FAM193A: variants seen among roughly 807,000 people sequenced by gnomAD.
FAM193A encodes the protein protein FAM193A.
Under a neutral mutation model 126.5 loss-of-function variants are expected in FAM193A, and 22 were observed. The ratio of observed to expected loss-of-function variants is 0.17; its 90% CI spans 0.12 to 0.25. The LOEUF (loss-of-function observed/expected upper bound fraction) is 0.25, where lower values mean the gene tolerates loss of function less well. Ranked by LOEUF, FAM193A falls within the 10% of genes least tolerant of loss-of-function variation. FAM193A has a pLI of 1.00. For synonymous variants in FAM193A, 761 were observed against 646.8 expected (o/e 1.18, Z -2.68); for missense variants, 1,675 against 1,672.8 (o/e 1.00, Z -0.02).
chr4:2,546,499 T>C (rs909076479), intron 1 of FAM193A, among the ~76,000 whole-genome samples: 5 of 152,196 alleles, frequency 3.3e-5, no homozygotes, highest in Admixed American at 1.3e-4. Context: ...GTCCTGTAAA[T>C]GGACTCATAC....
At chr4:2,725,195 A>C (rs1720586540) in intron 20 of FAM193A, among the ~76,000 whole-genome samples, 1 of 151,880 alleles carries the variant, frequency 6.6e-6, no homozygotes, top group Non-Finnish European at 1.5e-5. Context: ...CTATTTTTTA[A>C]TTAAATTAAA....
intron 5 of FAM193A, among the ~76,000 whole-genome samples, chr4:2,632,163 C>A (rs1743656853): frequency 6.6e-6 from 1 of 152,004 alleles, no homozygotes; most frequent in Admixed American, 6.6e-5. Context: ...GAGGGCTGAG[C>A]ATCAGTTTTG....
At chr4:2,582,672 C>T (rs889171788) in intron 1 of FAM193A, among the ~76,000 whole-genome samples, 1 of 151,496 alleles carries the variant, frequency 6.6e-6, no homozygotes, top group East Asian at 1.9e-4. Context: ...AATTCTCAAC[C>T]GTTATTTCTT....
intron 16 of FAM193A, among the ~76,000 whole-genome samples, chr4:2,694,134 C>T (rs1012882521): frequency 6.6e-6 from 1 of 152,108 alleles, no homozygotes; most frequent in Non-Finnish European, 1.5e-5. Flanking sequence ...CTGACAGCAT[C>T]GGGGGTGTGC....
At chr4:2,679,694 A>G (rs549156751) in intron 13 of FAM193A, among the ~76,000 whole-genome samples, 1 of 152,014 alleles carries the variant, frequency 6.6e-6, no homozygotes, top group Admixed American at 6.5e-5. Context: ...TTTTTCTTAC[A>G]GTGTCTTTGG....
Position 2,625,319 on chromosome 4 carries a change from G to A in FAM193A, c.559G>A (p.Gly187Ser), listed in dbSNP as rs1446836114. Reference protein sequence around the residue: ...LGGSQPEAGSGGRLALGAQTL... With the variant: ...LGGSQPEAGSSGRLALGAQTL... Reference sequence around the variant, plus strand: ...TGGCTCCCAGCCAGAGGCCGGCAGTGGTGGGAGGCTCGCTCTGGGTGCACA... The same window carrying A: ...TGGCTCCCAGCCAGAGGCCGGCAGTAGTGGGAGGCTCGCTCTGGGTGCACA... The change falls in exon 3 of 21, where the codon GGT (glycine) becomes AGT (serine). Residue 187 changes from glycine to serine, a missense_variant. Transcript: ENST00000637812. 2 of 703,058 alleles carry A rather than the reference G, an allele frequency of 2.8e-6. No homozygotes were observed. The highest frequency in any genetic ancestry group is 5.2e-6 in the Non-Finnish European group (2 of 384,996). The allele number at this position is 703,058 out of a possible 1,614,324, so 43.6% of individuals were successfully genotyped here. A position where few individuals can be genotyped will look rare whatever the true frequency, so the allele number is the denominator to read the frequency against.
At chr4:2,549,909 A>G (rs1176202367) in intron 1 of FAM193A, among the ~76,000 whole-genome samples, 1 of 149,172 alleles carries the variant, frequency 6.7e-6, no homozygotes, top group Admixed American at 6.8e-5. Context: ...TTGTATTTTT[A>G]GTAAAGATGG....
chr4:2,633,659 A>C (rs1374154353), intron 5 of FAM193A, among the ~76,000 whole-genome samples: 1 of 151,930 alleles, frequency 6.6e-6, no homozygotes, highest in East Asian at 1.9e-4. Context: ...TGGGAGGCCG[A>C]GGTGGTTGGA....
At chr4:2,547,775 G>A (rs921476184) in intron 1 of FAM193A, among the ~76,000 whole-genome samples, 5 of 150,844 alleles carry the variant, frequency 3.3e-5, no homozygotes, top group African/African-American at 4.9e-5. Context: ...ACAGATGTGC[G>A]TCACCACACC....
At chr4:2,702,175 A>G (rs1717808278) in intron 19 of FAM193A, among the ~76,000 whole-genome samples, 1 of 152,170 alleles carries the variant, frequency 6.6e-6, no homozygotes, top group Non-Finnish European at 1.5e-5. Context: ...TCACTTAGTT[A>G]TATCAGGATA....
chr4:2,539,712 A>G (rs186233104), intron 1 of FAM193A, among the ~76,000 whole-genome samples: 113 of 152,272 alleles, frequency 7.4e-4, no homozygotes, highest in African/African-American at 2.6e-3. Flanking sequence ...TGGCCTATCA[A>G]GGTTTTTGAC....
intron 18 of FAM193A, among the ~76,000 whole-genome samples, chr4:2,697,374 T>C (rs1428892750): frequency 2.0e-5 from 3 of 152,080 alleles, no homozygotes; most frequent in African/African-American, 4.8e-5. Flanking sequence ...ACAACTTTTT[T>C]CTCTTGGAGG....
chr4:2,562,628 C>CT (rs1171189636), intron 1 of FAM193A, among the ~76,000 whole-genome samples: 6 of 150,164 alleles, frequency 4.0e-5, no homozygotes, highest in South Asian at 2.1e-4. Flanking sequence ...TCTGCATTTC[C>CT]TTTTTTTGTT....
intron 13 of FAM193A, among the ~76,000 whole-genome samples, chr4:2,674,185 T>C (rs1276503743): frequency 6.6e-6 from 1 of 152,266 alleles, no homozygotes; most frequent in Non-Finnish European, 1.5e-5. Context: ...ATACTTCATT[T>C]GCATCTGGTA....
intron 5 of FAM193A, among the ~76,000 whole-genome samples, chr4:2,633,212 A>G: frequency 6.6e-6 from 1 of 152,046 alleles, no homozygotes; most frequent in East Asian, 1.9e-4. Flanking sequence ...AGCCTGGCCA[A>G]TATGATGAAA....
chr4:2,705,523 A>G (rs762094439), intron 19 of FAM193A, among the ~76,000 whole-genome samples: 2 of 151,890 alleles, frequency 1.3e-5, no homozygotes, highest in Non-Finnish European at 2.9e-5. Context: ...GTGGTGTGAA[A>G]TATGGATCCA....
chr4:2,590,512 A>C lies in FAM193A; in HGVS notation c.256-5572A>C, dbSNP rs575200343. Among the ~76,000 whole-genome samples the C allele has an allele frequency of 5.4e-4, 62 of 114,608 alleles. 5 individuals carry two copies. The highest frequency in any genetic ancestry group is 1.9e-3 in the African/African-American group (38 of 20,518). 75.2% of individuals were successfully genotyped at this position (114,608 alleles called of 152,430 possible). A position where few individuals can be genotyped will look rare whatever the true frequency, so the allele number is the denominator to read the frequency against. ...AAAAAAAAACAAAAAAAAACAAAAA[A>C]AAAACAAAACAAAATTAAAAAACAG... On this transcript the variant is annotated intron_variant, in intron 1 of 20. Transcript: ENST00000637812.
rs1742848464 is a variant in FAM193A, at chr4:2,625,378, G to C, written c.618G>C (p.Glu206Asp). Residue 206 changes from glutamate to aspartate, a missense_variant, in exon 3 of 21, where the codon GAG (glutamate) becomes GAC (aspartate). Around this residue, in one of 4 missense-constraint regions of FAM193A, gnomAD observed 1,186 missense variants for 1,109.2 expected, o/e 1.07. Coordinates refer to ENST00000637812, the MANE Select transcript of FAM193A (RefSeq NM_001366318.2). ...TLPSDTACSC[E>D]ACSERREISA... ...CTTCAGACACCGCATGCTCGTGCGA[G>C]GCCTGCAGTGAGCGCAGGTATGTGA... The C allele has an allele frequency of 5.7e-6, 4 of 702,634 alleles. No individual in the cohort carries two copies. Among genetic ancestry groups the C allele is most frequent in the Non-Finnish European group, 1.0e-5 (4 of 384,694 alleles). The allele number at this position is 702,634 out of a possible 1,614,324, so 43.5% of individuals were successfully genotyped here. A position where few individuals can be genotyped will look rare whatever the true frequency, so the allele number is the denominator to read the frequency against.
intron 13 of FAM193A, among the ~76,000 whole-genome samples, chr4:2,682,498 A>G (rs1331999823): frequency 6.6e-6 from 1 of 152,014 alleles, no homozygotes; most frequent in Non-Finnish European, 1.5e-5. Context: ...TTGTCTTTTC[A>G]TTGGTGTATT....
Sources: gnomAD v4.1 joint callset for allele counts (sites outside exome capture counted in the v4.1 genomes callset) on GRCh38, gnomAD v4.1.1 for gene constraint, gnomAD v4.1.1 regional missense constraint, MANE v1.5 for transcripts, NCBI Gene and HGNC (gene_info 2026-07-23, HGNC 2026-07-21) for gene names.